The following RBM46 variants were observed in gnomAD, a reference collection of about 807,000 sequenced individuals.
RBM46 encodes the protein probable RNA-binding protein 46.
In RBM46, 12 loss-of-function variants were observed where a neutral mutation model predicts 43.3. The observed-to-expected ratio is 0.28, with a 90% CI of 0.18 to 0.45. RBM46 has a LOEUF of 0.45. Among genes scored for constraint, RBM46 ranks in the 20% least tolerant of loss-of-function variants. RBM46 has a pLI of 1.00. For missense variants in RBM46, 412 were observed against 639.1 expected (o/e 0.64, Z 3.83); for synonymous variants, 205 against 207.6 (o/e 0.99, Z 0.11).
chr4:154,827,788 T>C (rs1578961878), intron 4 of RBM46, 80 bp from the exon 5 acceptor site: 1 of 1,589,458 alleles, frequency 6.3e-7, no homozygotes, highest in Non-Finnish European at 8.6e-7. Flanking sequence ...AATGTGATTA[T>C]TGTTTAATGC....
intron 1 of RBM46, among the ~76,000 whole-genome samples, chr4:154,791,977 A>C (rs2111110004): frequency 6.6e-6 from 1 of 152,306 alleles, no homozygotes; most frequent in Admixed American, 6.5e-5. Flanking sequence ...TAATCTAAAA[A>C]AAATTGTGAA....
At chr4:154,816,370 C>T (rs1217144887) in intron 4 of RBM46, among the ~76,000 whole-genome samples, 2 of 152,054 alleles carry the variant, frequency 1.3e-5, no homozygotes, top group East Asian at 1.9e-4. Flanking sequence ...GATCCATGAA[C>T]ATGATACCTC....
intron 4 of RBM46, among the ~76,000 whole-genome samples, chr4:154,801,648 T>C (rs530241515): frequency 6.6e-6 from 1 of 152,316 alleles, no homozygotes; most frequent in South Asian, 2.1e-4. Flanking sequence ...CTATCCTCCC[T>C]CATTCCCTTA....
chr4:154,793,075 T>A (rs1356189322), intron 1 of RBM46, among the ~76,000 whole-genome samples: 1 of 152,244 alleles, frequency 6.6e-6, no homozygotes, highest in Admixed American at 6.5e-5. Flanking sequence ...CAGCCATCTA[T>A]GAATGTGTAC....
intron 4 of RBM46, among the ~76,000 whole-genome samples, chr4:154,825,110 C>T (rs540919094): frequency 1.3e-5 from 2 of 152,116 alleles, no homozygotes; most frequent in East Asian, 3.9e-4. Flanking sequence ...CTGTATCATT[C>T]CTTAAGAAGG....
At chr4:154,796,985 A>G in intron 2 of RBM46, 82 bp downstream of exon 2, 2 of 1,183,914 alleles carry the variant, frequency 1.7e-6, no homozygotes, top group Non-Finnish European at 2.4e-6. Context: ...AAGTATTCCA[A>G]ACAATAGCTC....
chr4:154,811,714 T>C (rs1735190356), intron 4 of RBM46, among the ~76,000 whole-genome samples: 1 of 146,822 alleles, frequency 6.8e-6, no homozygotes, highest in Admixed American at 6.7e-5. Context: ...AGAGTTTCGC[T>C]GTGTCACCCA....
At chr4:154,785,773 TA>T (rs1381502039) in intron 1 of RBM46, among the ~76,000 whole-genome samples, 1 of 152,198 alleles carries the variant, frequency 6.6e-6, no homozygotes. Context: ...AGTTCAGAGT[TA>T]TGAATTTCTG....
At chr4:154,802,178 T>G (rs973398385) in intron 4 of RBM46, among the ~76,000 whole-genome samples, 2 of 152,212 alleles carry the variant, frequency 1.3e-5, no homozygotes, top group Non-Finnish European at 2.9e-5. Context: ...ATCCTTATGG[T>G]GCTTGACTAC....
Position 154,828,124 on chromosome 4 carries a change from A to G in RBM46, c.*57A>G. 7.9e-7 allele frequency: 1 copy of G among 1,265,580 alleles called. No homozygotes were observed. Among genetic ancestry groups the G allele is most frequent in the Non-Finnish European group, 1.2e-6 (1 of 868,784 alleles). The allele number at this position is 1,265,580 out of a possible 1,614,324, so 78.4% of individuals were successfully genotyped here. A position where few individuals can be genotyped will look rare whatever the true frequency, so the allele number is the denominator to read the frequency against. Reference sequence around the variant, plus strand: ...GTAAATTTGTAGTATGAAAACTTGCAAATTAAAATATTGTTTTATTTTAGA... The same window carrying G: ...GTAAATTTGTAGTATGAAAACTTGCGAATTAAAATATTGTTTTATTTTAGA... On this transcript the variant is annotated 3_prime_UTR_variant, in exon 5 of 5. Transcript: ENST00000281722.
chr4:154,822,899 A>G (rs542574973), intron 4 of RBM46, among the ~76,000 whole-genome samples: 44 of 151,944 alleles, frequency 2.9e-4, no homozygotes, highest in African/African-American at 1.0e-3. Context: ...GAATTACTGT[A>G]TGACTCAGCA....
At chr4:154,811,669 CTGTGTGTGTG>C (rs70947182) in intron 4 of RBM46, among the ~76,000 whole-genome samples, 70 of 130,840 alleles carry the variant, frequency 5.4e-4, no homozygotes, top group African/African-American at 1.8e-3. Flanking sequence ...GTGTGTGTGT[CTGTGTGTGTG>C]TGTGTGTGTG....
chr4:154,782,847 G>A (rs1339231297), intron 1 of RBM46, among the ~76,000 whole-genome samples: 1 of 152,162 alleles, frequency 6.6e-6, no homozygotes, highest in Non-Finnish European at 1.5e-5. Flanking sequence ...TTATAACCAG[G>A]AAGCAGGATA....
At chr4:154,802,323 G>T (rs745823975) in intron 4 of RBM46, among the ~76,000 whole-genome samples, 1 of 152,176 alleles carries the variant, frequency 6.6e-6, no homozygotes, top group Non-Finnish European at 1.5e-5. Context: ...ACAAATGTCA[G>T]CCCTTCAGAG....
intron 1 of RBM46, among the ~76,000 whole-genome samples, chr4:154,794,543 C>G (rs1734257649): frequency 6.6e-6 from 1 of 152,076 alleles, no homozygotes; most frequent in South Asian, 2.1e-4. Context: ...AATGAAAGAA[C>G]CTGTTACTTG....
At chr4:154,826,783 G>A in intron 4 of RBM46, 1 of 1,303,292 alleles carries the variant, frequency 7.7e-7, no homozygotes. Flanking sequence ...TTCTGATGTT[G>A]CTTGAGCTTA....
intron 1 of RBM46, among the ~76,000 whole-genome samples, chr4:154,786,860 G>A (rs1384561967): frequency 6.6e-6 from 1 of 152,182 alleles, no homozygotes; most frequent in Non-Finnish European, 1.5e-5. Flanking sequence ...CTGGGGGGTG[G>A]AGGTTGCAGT....
At chr4:154,827,576 G>A (rs1359638677) in intron 4 of RBM46, 23 of 1,118,070 alleles carry the variant, frequency 2.1e-5, no homozygotes, top group East Asian at 5.7e-5. Context: ...GAAATGAGAC[G>A]TTCTCTTTTT....
chr4:154,806,074 A>C (rs568032485), intron 4 of RBM46, among the ~76,000 whole-genome samples: 1 of 151,884 alleles, frequency 6.6e-6, no homozygotes, highest in Non-Finnish European at 1.5e-5. Flanking sequence ...CATTAACTCA[A>C]CTATGTGTCT....
Sources: allele counts gnomAD v4.1 joint callset (sites outside exome capture counted in the v4.1 genomes callset), GRCh38; gene constraint gnomAD v4.1.1; transcripts MANE v1.5; gene names NCBI Gene and HGNC (gene_info 2026-07-23, HGNC 2026-07-21).